Variants in ZNF217 observed in about 807,000 individuals in gnomAD.
The protein encoded by ZNF217 is zinc finger protein 217.
ZNF217 carries 12 observed loss-of-function variants against 73.3 expected under a neutral mutation model. The ratio of observed to expected loss-of-function variants is 0.16; its 90% CI spans 0.10 to 0.27. The LOEUF is 0.27. Ranked by LOEUF, ZNF217 falls within the 10% of genes least tolerant of loss-of-function variation. The pLI, the probability that ZNF217 is intolerant of heterozygous loss-of-function variation, is 1.00. For missense variants in ZNF217, 1,195 were observed against 1,327.8 expected (o/e 0.90, Z 1.55); for synonymous variants, 588 against 516.4 (o/e 1.14, Z -1.88).
chr20:53,582,073 C>G lies in ZNF217; in HGVS notation c.754G>C (p.Asp252His), dbSNP rs772855830. 11 of 1,614,238 alleles carry G rather than the reference C, an allele frequency of 6.8e-6. No homozygotes were observed. In the South Asian group the frequency reaches 9.9e-5, roughly 15 times the overall value. The change falls in exon 2 of 6, where the codon GAC becomes CAC. Residue 252 changes from aspartate (D) to histidine (H), a missense_variant. By Grantham distance (81) the Asp-to-His change is moderately conservative. Around this residue, in one of 9 missense-constraint regions of ZNF217, gnomAD observed 126 missense variants for 114.4 expected, o/e 1.10. Transcript: ENST00000371471. The surrounding 1 kb of genome is among the most constrained non-coding windows in gnomAD (Gnocchi z 4.8). ...TAFGTSSAQT[D>H]SPQGGMPSSR... ...GACGGCATTCCTCCTTGTGGAGAGT[C>G]TGTCTGCGCGCTGCTGGTACCGAAA...
At chr20:53,572,118 CA>C (rs1372178280) in intron 4 of ZNF217, among the ~76,000 whole-genome samples, 1 of 152,130 alleles carries the variant, frequency 6.6e-6, no homozygotes, top group Non-Finnish European at 1.5e-5. Context: ...AATGACATCA[CA>C]AAATACTTGA....
chr20:53,590,684 G>A (rs1237182907), intron 1 of ZNF217, among the ~76,000 whole-genome samples: 1 of 152,162 alleles, frequency 6.6e-6, no homozygotes. Context: ...AGAATTAAGA[G>A]TGCTCCAGGG....
Position 53,581,367 on chromosome 20 carries a change from G to T in ZNF217, c.1366+94C>A. 6.7e-7 allele frequency: 1 copy of T among 1,489,550 alleles called. No homozygotes were observed. Among genetic ancestry groups the T allele is most frequent in the Non-Finnish European group, 8.9e-7 (1 of 1,120,574 alleles). 92.3% of individuals were successfully genotyped at this position (1,489,550 alleles called of 1,614,324 possible). A position where few individuals can be genotyped will look rare whatever the true frequency, so the allele number is the denominator to read the frequency against. ...TCTGGCTCTCCAAACCCCATTCCTG[G>T]CCAGCGTTGTCTGGAGATGGGAATA... On this transcript the variant is annotated intron_variant, in intron 2 of 5. Coordinates refer to ENST00000371471, the MANE Select transcript of ZNF217 (RefSeq NM_006526.3). This position sits in a 1 kb window ranked among gnomAD's most constrained non-coding sequence, Gnocchi z 4.9.
At chr20:53,571,920 T>C (rs1568678565) in intron 4 of ZNF217, 67 bp from the exon 5 acceptor site, 13 of 1,484,678 alleles carry the variant, frequency 8.8e-6, no homozygotes, top group Admixed American at 2.5e-5. Flanking sequence ...TATAGGTTTT[T>C]AGAAGTCAAT....
chr20:53,582,018 T>G lies in ZNF217; in HGVS notation c.809A>C (p.Asn270Thr). The G allele has an allele frequency of 6.2e-7, 1 of 1,614,202 alleles. No homozygotes were observed. The highest frequency in any genetic ancestry group is 8.5e-7 in the Non-Finnish European group (1 of 1,180,026). Residue 270 changes from asparagine (N) to threonine (T), a missense_variant, in exon 2 of 6, where the codon AAC becomes ACC. Around this residue, in one of 9 missense-constraint regions of ZNF217, gnomAD observed 126 missense variants for 114.4 expected, o/e 1.10. Coordinates refer to ENST00000371471, the MANE Select transcript of ZNF217 (RefSeq NM_006526.3). The surrounding 1 kb of genome is among the most constrained non-coding windows in gnomAD (Gnocchi z 4.8). ...TTCAGGGTGAGATTTTGGTCTCAAG[T>G]TGAACAACTGCAGGAAGTCCTCCCT... ...SSREDFLQLF[N>T]LRPKSHPETG...
rs1987788992 is a variant in ZNF217, at chr20:53,567,371, T to G, written c.*1917A>C. ...AAGGGCTGTAGGAAAATAATTGGTATTTTTATACATTCAGAAATGTGGTTA... is the reference window on the plus strand; with the variant it reads ...AAGGGCTGTAGGAAAATAATTGGTAGTTTTATACATTCAGAAATGTGGTTA... On this transcript the variant is annotated 3_prime_UTR_variant, in exon 6 of 6. Transcript: ENST00000371471. 1 of 152,652 alleles carries G rather than the reference T, an allele frequency of 6.6e-6. No individual in the cohort carries two copies. The highest frequency in any genetic ancestry group is 2.1e-4 in the South Asian group (1 of 4,834). The allele number at this position is 152,652 out of a possible 1,614,324, so 9.5% of individuals were successfully genotyped here.
At position 53,575,979 on chromosome 20, in the gene ZNF217, C is replaced by T. The variant is rs748138645; in HGVS notation, c.2785G>A (p.Val929Ile). Reference protein sequence around the residue: ...RLKSSVVALDVDQPGANYRRG... With the variant: ...RLKSSVVALDIDQPGANYRRG... The stretch of plus-strand genomic sequence containing the variant: ...CTGTAATTGGCCCCGGGCTGGTCAA[C>T]GTCAAGGGCAACCACGCTGGACTTC... Residue 929 changes from valine to isoleucine, a missense_variant, in exon 4 of 6, where the codon GTT becomes ATT. Physicochemically the swap from Val to Ile is conservative, Grantham distance 29. Transcript: ENST00000371471. 4.3e-6 allele frequency: 7 copies of T among 1,614,066 alleles called. No homozygotes were observed. The highest frequency in any genetic ancestry group is 1.1e-5 in the South Asian group (1 of 91,088).
chr20:53,591,728 T>C (rs1600731740), intron 1 of ZNF217, among the ~76,000 whole-genome samples: 2 of 152,236 alleles, frequency 1.3e-5, no homozygotes, highest in African/African-American at 4.8e-5. Context: ...GCTTGCCTGT[T>C]ATATTTTCAG....
chr20:53,596,653 A>G (rs1989045951), upstream of ZNF217, among the ~76,000 whole-genome samples: 1 of 152,202 alleles, frequency 6.6e-6, no homozygotes, highest in Non-Finnish European at 1.5e-5. Flanking sequence ...AATAAAAGCT[A>G]GGAACTCATA....
chr20:53,571,743 A>G lies in ZNF217; in HGVS notation c.*1T>C. 6.2e-7 allele frequency: 1 copy of G among 1,609,268 alleles called. No homozygotes were observed. Among genetic ancestry groups the G allele is most frequent in the Non-Finnish European group, 8.5e-7 (1 of 1,178,666 alleles). Reference sequence around the variant, plus strand: ...CACCTTTTTTCCCCCTAATTAGTGAATCAAGTTTTTTTGTCATTTGGTCGA... The same window carrying G: ...CACCTTTTTTCCCCCTAATTAGTGAGTCAAGTTTTTTTGTCATTTGGTCGA... On this transcript the variant is annotated 3_prime_UTR_variant, in exon 5 of 6. Coordinates refer to ENST00000371471, the MANE Select transcript of ZNF217 (RefSeq NM_006526.3).
Position 53,592,485 on chromosome 20 carries a change from C to T in ZNF217, c.-343+1271G>A, listed in dbSNP as rs372501704. ...CCTTTTCTAGCTCCTGTAACTAAAC[C>T]TGGCGGAAAACTCCCTGCCTGCTCA... On this transcript the variant is annotated intron_variant, in intron 1 of 5. Coordinates refer to ENST00000371471, the MANE Select transcript of ZNF217 (RefSeq NM_006526.3). Among the ~76,000 whole-genome samples, 19 of 152,176 alleles carry T rather than the reference C, an allele frequency of 1.2e-4. 1 individual carries two copies. The East Asian group carries it at 3.5e-3, about 28-fold the overall frequency.
At chr20:53,580,382 T>A (rs1157503072) in intron 2 of ZNF217, among the ~76,000 whole-genome samples, 6 of 152,204 alleles carry the variant, frequency 3.9e-5, no homozygotes. Context: ...CTTTGACAGA[T>A]GCTTCCCTAA....
upstream of ZNF217, among the ~76,000 whole-genome samples, chr20:53,594,820 C>T (rs1301177381): frequency 6.6e-6 from 1 of 152,012 alleles, no homozygotes. Flanking sequence ...CAGCTGTGCG[C>T]GAAAAACACC....
intron 2 of ZNF217, among the ~76,000 whole-genome samples, chr20:53,580,406 T>A (rs975484174): frequency 3.9e-5 from 6 of 152,202 alleles, no homozygotes; most frequent in Admixed American, 2.0e-4. Flanking sequence ...CGATTCATGT[T>A]CCCATCATTC....
intron 4 of ZNF217, chr20:53,572,943 A>G (rs575920465): frequency 6.6e-6 from 1 of 152,270 alleles, no homozygotes; most frequent in African/African-American, 2.4e-5. Context: ...TTAACAATCT[A>G]CCTATGGGGG....
rs1300750654 is a variant in ZNF217 at position 53,576,674 on chromosome 20, C to T, written c.2090G>A (p.Cys697Tyr). Residue 697 changes from cysteine to tyrosine, a missense_variant, in exon 4 of 6, where the codon TGC becomes TAC. Physicochemically the swap from Cys to Tyr is radical, Grantham distance 194 (BLOSUM62 -2). This residue lies in a region of ZNF217 where 649 missense variants were observed against 642.8 expected (regional missense o/e 1.01). Coordinates refer to ENST00000371471, the MANE Select transcript of ZNF217 (RefSeq NM_006526.3). ...LNLSVGALHNCPAISLSKSLI... is the reference protein window; with the variant it reads ...LNLSVGALHNYPAISLSKSLI... ...ACTTTTACTCAAAGAAATTGCCGGG[C>T]AATTGTGAAGAGCCCCCACGGATAA... is the stretch of plus-strand genomic sequence containing the variant. 3 of 1,614,178 alleles carry T rather than the reference C, an allele frequency of 1.9e-6. No individual in the cohort carries two copies. The highest frequency in any genetic ancestry group is 2.5e-6 in the Non-Finnish European group (3 of 1,180,034).
In ZNF217 at chr20:53,592,653, G is replaced by A. The variant is rs540340994; in HGVS notation, c.-343+1103C>T. ...TTCCGGCGCGCGCCCCGCGTGCCGGGTCTTGCCCCTCGGGCGGGACCGCCC... is the reference window on the plus strand; with the variant it reads ...TTCCGGCGCGCGCCCCGCGTGCCGGATCTTGCCCCTCGGGCGGGACCGCCC... On this transcript the variant is annotated intron_variant, in intron 1 of 5. Coordinates refer to ENST00000371471, the MANE Select transcript of ZNF217 (RefSeq NM_006526.3). Among the ~76,000 whole-genome samples, 47 of 151,826 alleles carry A rather than the reference G, an allele frequency of 3.1e-4. 1 individual carries two copies. In the South Asian group the frequency reaches 9.2e-3, roughly 30 times the overall value.
chr20:53,575,621 G>A (rs1988222267), intron 4 of ZNF217, 106 bp downstream of exon 4: 2 of 1,156,288 alleles, frequency 1.7e-6, no homozygotes, highest in Non-Finnish European at 2.4e-6. Flanking sequence ...ACTTCTGGCT[G>A]CCTACCCCCC....
At chr20:53,574,789 C>G (rs1277848760) in intron 4 of ZNF217, 1 of 138,672 alleles carries the variant, frequency 7.2e-6, no homozygotes, top group Non-Finnish European at 1.5e-5. Flanking sequence ...AGCAAAACTC[C>G]GTCTCAAAAA....
Sources: gnomAD v4.1 joint callset for allele counts (sites outside exome capture counted in the v4.1 genomes callset) on GRCh38, gnomAD v4.1.1 for gene constraint, gnomAD v4.1.1 regional missense constraint, Gnocchi (gnomAD v3.1) non-coding constraint, MANE v1.5 for transcripts, NCBI Gene and HGNC (gene_info 2026-07-23, HGNC 2026-07-21) for gene names.